The following KDM4C variants were observed in gnomAD, a reference collection of about 807,000 sequenced individuals.
The protein encoded by KDM4C is lysine demethylase 4C, also known as lysine-specific demethylase 4C.
In KDM4C, 81 loss-of-function variants were observed where a neutral mutation model predicts 129.3. That is an observed-to-expected ratio of 0.63 (90% CI 0.52 to 0.75). KDM4C has a LOEUF of 0.75. Among genes scored for constraint, KDM4C ranks in the 30% least tolerant of loss-of-function variants. KDM4C has a pLI of 0.00. For missense variants in KDM4C, 1,457 were observed against 1,304.0 expected, an observed-to-expected ratio of 1.12 and a Z score of -1.81; for synonymous variants, 573 against 456.1, an observed-to-expected ratio of 1.26 and a Z score of -3.26.
chr9:6,814,627 A>G lies in KDM4C; in HGVS notation c.321-4A>G. On this transcript the variant is annotated splice_region_variant and splice_polypyrimidine_tract_variant and intron_variant, in intron 3 of 21. Coordinates refer to ENST00000381309, the MANE Select transcript of KDM4C (RefSeq NM_015061.6). ...TGTACATTTTTGTCATCTACCTTTT[A>G]CAGATATTGTACTCCAAGATACTTG... is the stretch of plus-strand genomic sequence containing the variant. 1.9e-6 allele frequency: 3 copies of G among 1,569,118 alleles called. No homozygotes were observed. The highest frequency in any genetic ancestry group is 2.6e-6 in the Non-Finnish European group (3 of 1,148,316).
intron 6 of KDM4C, among the ~76,000 whole-genome samples, chr9:6,885,843 A>G (rs1390680513): frequency 6.6e-6 from 1 of 152,168 alleles, no homozygotes; most frequent in Non-Finnish European, 1.5e-5. Context: ...TAAATTCTGA[A>G]CCAATGTGAA....
At chr9:7,085,460 G>T (rs1835002320) in intron 17 of KDM4C, among the ~76,000 whole-genome samples, 1 of 152,180 alleles carries the variant, frequency 6.6e-6, no homozygotes, top group African/African-American at 2.4e-5. Flanking sequence ...GAGAAAAACA[G>T]GCTTTTTTCA....
chr9:7,131,739 G>C (rs574131531), intron 19 of KDM4C, among the ~76,000 whole-genome samples: 2 of 152,066 alleles, frequency 1.3e-5, no homozygotes, highest in Admixed American at 6.5e-5. Flanking sequence ...TACCCTAATG[G>C]AAAGTTTCAT....
At chr9:6,911,890 T>G (rs7021241) in intron 8 of KDM4C, among the ~76,000 whole-genome samples, 70,550 of 151,778 alleles carry the variant, frequency 0.46, 16,701 homozygotes, top group Middle Eastern at 0.62. Context: ...CCCATGTCCT[T>G]TGGATCCTGG....
chr9:6,837,261 G>A (rs972228775), intron 4 of KDM4C, among the ~76,000 whole-genome samples: 2 of 151,998 alleles, frequency 1.3e-5, no homozygotes, highest in African/African-American at 2.4e-5. Context: ...TTTCGCCATG[G>A]TGCCCAGGCT....
intron 15 of KDM4C, among the ~76,000 whole-genome samples, chr9:7,042,530 A>T (rs937159539): frequency 6.6e-6 from 1 of 152,050 alleles, no homozygotes; most frequent in African/African-American, 2.4e-5. Flanking sequence ...ATTTTTTATG[A>T]TATGGGTTCT....
chr9:7,137,627 C>G (rs772207855), intron 19 of KDM4C, among the ~76,000 whole-genome samples: 2 of 152,202 alleles, frequency 1.3e-5, no homozygotes, highest in Non-Finnish European at 2.9e-5. Context: ...TTTTCCAGAG[C>G]TGACCTTTCC....
intron 19 of KDM4C, among the ~76,000 whole-genome samples, chr9:7,135,330 T>C (rs954647562): frequency 6.6e-6 from 1 of 152,198 alleles, no homozygotes; most frequent in Non-Finnish European, 1.5e-5. Flanking sequence ...GTGATTGGCA[T>C]TGGGAACTTA....
chr9:7,025,134 A>G (rs1409716943), intron 15 of KDM4C, among the ~76,000 whole-genome samples: 2 of 151,998 alleles, frequency 1.3e-5, no homozygotes, highest in Admixed American at 1.3e-4. Context: ...CTCTTCTTAC[A>G]GTTTTTGTCT....
At chr9:6,756,747 A>T (rs1012505046), upstream of KDM4C, among the ~76,000 whole-genome samples, 1 of 152,142 alleles carries the variant, frequency 6.6e-6, no homozygotes, top group Non-Finnish European at 1.5e-5. Context: ...GTGTAGCGGA[A>T]CTTTGTTTTT....
chr9:6,725,470 A>G (rs906945820), intron 1 of KDM4C, among the ~76,000 whole-genome samples: 2 of 151,982 alleles, frequency 1.3e-5, no homozygotes, highest in Non-Finnish European at 2.9e-5. Context: ...CGTATGTCAC[A>G]GATTCTCTCT....
intron 8 of KDM4C, among the ~76,000 whole-genome samples, chr9:6,961,407 A>T (rs964622611): frequency 6.6e-6 from 1 of 152,178 alleles, no homozygotes; most frequent in Non-Finnish European, 1.5e-5. Flanking sequence ...GCCTTACTAG[A>T]TGCAGGTACT....
chr9:6,830,448 A>G (rs1834627056), intron 4 of KDM4C, among the ~76,000 whole-genome samples: 1 of 152,188 alleles, frequency 6.6e-6, no homozygotes, highest in South Asian at 2.1e-4. Context: ...TTGGGGGGTC[A>G]CTGGTGCAGA....
At chr9:6,964,905 G>A (rs965839214) in intron 8 of KDM4C, among the ~76,000 whole-genome samples, 1 of 151,796 alleles carries the variant, frequency 6.6e-6, no homozygotes, top group Non-Finnish European at 1.5e-5. Flanking sequence ...AGTGAGCCGA[G>A]ATCGCGCCAT....
intron 1 of KDM4C, among the ~76,000 whole-genome samples, chr9:6,749,477 T>C (rs1290894700): frequency 1.3e-5 from 2 of 151,992 alleles, no homozygotes; most frequent in Non-Finnish European, 2.9e-5. Flanking sequence ...GTGTGGGCAA[T>C]ATGGTGAGAC....
chr9:7,036,594 A>T (rs1314808934), intron 15 of KDM4C, among the ~76,000 whole-genome samples: 7 of 152,214 alleles, frequency 4.6e-5, no homozygotes, highest in African/African-American at 1.7e-4. Flanking sequence ...CTGATATTTA[A>T]ATAGATAAAA....
chr9:7,000,756 A>T (rs1348293133), intron 12 of KDM4C, among the ~76,000 whole-genome samples: 1 of 152,088 alleles, frequency 6.6e-6, no homozygotes, highest in Non-Finnish European at 1.5e-5. Flanking sequence ...TTTTTCTTGG[A>T]GATAGAATGT....
At chr9:7,147,159 G>C (rs1476198150) in intron 19 of KDM4C, among the ~76,000 whole-genome samples, 2 of 152,202 alleles carry the variant, frequency 1.3e-5, no homozygotes, top group Admixed American at 6.5e-5. Flanking sequence ...AGAAAACCAG[G>C]ACATAAGGTG....
At chr9:6,951,289 T>G (rs1351146334) in intron 8 of KDM4C, among the ~76,000 whole-genome samples, 1 of 152,228 alleles carries the variant, frequency 6.6e-6, no homozygotes, top group East Asian at 1.9e-4. Flanking sequence ...TAGCTGTAAC[T>G]TTGTATCCTT....
Sources: gnomAD v4.1 joint callset for allele counts (sites outside exome capture counted in the v4.1 genomes callset) on GRCh38, gnomAD v4.1.1 for gene constraint, MANE v1.5 for transcripts, NCBI Gene and HGNC (gene_info 2026-07-23, HGNC 2026-07-21) for gene names.